Variants in LCORL observed in about 807,000 individuals in gnomAD.
LCORL encodes the protein ligand dependent nuclear receptor corepressor like, also known as ligand-dependent nuclear receptor corepressor-like protein.
LCORL carries 41 observed loss-of-function variants against 141.8 expected under a neutral mutation model. The ratio of observed to expected loss-of-function variants is 0.29; its 90% confidence interval spans 0.23 to 0.38. LCORL has a LOEUF of 0.38. LCORL is among the 10% of genes least tolerant of loss of function. The probability of loss-of-function intolerance (pLI) is 1.00; values close to 1 mark genes in which losing one functional copy is unlikely to be tolerated. For synonymous variants in LCORL, 618 were observed against 694.1 expected (o/e 0.89, Z 1.72); for missense variants, 1,759 against 2,035.0 (o/e 0.86, Z 2.61).
At chr4:17,901,309 C>G (rs1421268703) in intron 5 of LCORL, among the ~76,000 whole-genome samples, 1 of 150,560 alleles carries the variant, frequency 6.6e-6, no homozygotes, top group African/African-American at 2.4e-5. Flanking sequence ...TTGGCAGTCA[C>G]AACAATCATA....
chr4:18,010,816 G>A (rs1361350858), intron 1 of LCORL, among the ~76,000 whole-genome samples: 1 of 152,022 alleles, frequency 6.6e-6, no homozygotes, highest in Non-Finnish European at 1.5e-5. Flanking sequence ...ATTAACAGTT[G>A]TATTGTTTCC....
At chr4:17,905,435 C>T (rs149408152) in intron 5 of LCORL, among the ~76,000 whole-genome samples, 7 of 151,962 alleles carry the variant, frequency 4.6e-5, no homozygotes, top group Non-Finnish European at 7.4e-5. Context: ...ACTCAATTTG[C>T]TGATATTTAT....
At chr4:17,948,371 G>A (rs1337120545) in intron 4 of LCORL, among the ~76,000 whole-genome samples, 1 of 151,942 alleles carries the variant, frequency 6.6e-6, no homozygotes, top group Admixed American at 6.6e-5. Context: ...CATGTATTGA[G>A]CATAAATACA....
chr4:17,875,917 C>T (rs921212995), exon 7 of LCORL: 31 of 1,231,082 alleles, frequency 2.5e-5, no homozygotes, highest in African/African-American at 3.1e-5. Flanking sequence ...GTATCAGTAT[C>T]ATAATGACTG....
intron 6 of LCORL, among the ~76,000 whole-genome samples, chr4:17,879,545 T>C (rs76805796): frequency 0.042 from 6,360 of 151,136 alleles, 444 homozygotes; most frequent in African/African-American, 0.15. Context: ...CAGTATCCTT[T>C]CCTTTTTGAA....
rs1470978148 is a variant in LCORL at position 18,021,060 on chromosome 4, C to T, written c.154+538G>A. Reference sequence around the variant, plus strand: ...CCAGCCGGCCCATCAGCGGCCCCCGCCCTGCGAGTGCCCGTGGGTCTCCAG... The same window carrying T: ...CCAGCCGGCCCATCAGCGGCCCCCGTCCTGCGAGTGCCCGTGGGTCTCCAG... On this transcript the variant is annotated intron_variant, in intron 1 of 7. Transcript: ENST00000635767. The surrounding 1 kb of genome is among the most constrained non-coding windows in gnomAD (Gnocchi z 5.5). 6.6e-6 allele frequency among the ~76,000 whole-genome samples: 1 copy of T among 152,110 alleles called. No homozygotes were observed. The highest frequency in any genetic ancestry group is 1.5e-5 in the Non-Finnish European group (1 of 67,976).
chr4:17,877,798 A>C, exon 7 of LCORL: 1 of 1,230,620 alleles, frequency 8.1e-7, no homozygotes, highest in Non-Finnish European at 1.0e-6. Flanking sequence ...CCAGAACAGC[A>C]CCTGTGAGAA....
At chr4:17,991,589 T>C (rs771998589) in intron 1 of LCORL, among the ~76,000 whole-genome samples, 14 of 152,212 alleles carry the variant, frequency 9.2e-5, no homozygotes, top group East Asian at 1.9e-4. Context: ...TCTAAACTTA[T>C]TCCATGATAG....
At chr4:17,853,027 C>A (rs1723942524) in intron 7 of LCORL, among the ~76,000 whole-genome samples, 1 of 150,594 alleles carries the variant, frequency 6.6e-6, no homozygotes, top group African/African-American at 2.4e-5. Flanking sequence ...AGCTACGTAC[C>A]AGGCAGTGTG....
At position 17,990,642 on chromosome 4, in the gene LCORL, G is replaced by GTTT. The variant is rs979642708; in HGVS notation, c.155-17760_155-17758dup. Among the ~76,000 whole-genome samples, 46 of 131,342 alleles carry GTTT rather than the reference G, an allele frequency of 3.5e-4. 1 individual carries two copies. Among genetic ancestry groups the GTTT allele is most frequent in the South Asian group, 7.5e-4 (3 of 4,016 alleles). 86.2% of individuals were successfully genotyped at this position (131,342 alleles called of 152,430 possible). ...ATTCACATATTAAATTCCCATCTTG[G>GTTT]TTTTTTTTTTTTTTTTTTAGAGAAT... On this transcript the variant is annotated intron_variant, in intron 1 of 7. Coordinates refer to ENST00000635767, the Ensembl canonical transcript of LCORL.
At chr4:17,843,328 C>G in exon 8 of LCORL, 4 of 1,611,740 alleles carry the variant, frequency 2.5e-6, no homozygotes, top group Non-Finnish European at 3.4e-6. Flanking sequence ...GAACCAGAAT[C>G]AGAAATGAAG....
At chr4:17,876,061 T>G in exon 7 of LCORL, 1 of 1,231,054 alleles carries the variant, frequency 8.1e-7, no homozygotes, top group Non-Finnish European at 1.0e-6. Context: ...GAAGTTAAAG[T>G]ATATTTGACC....
chr4:17,972,773 A>T, intron 2 of LCORL, 47 bp downstream of exon 2: 1 of 924,040 alleles, frequency 1.1e-6, no homozygotes, highest in Non-Finnish European at 1.5e-6. Context: ...TTCATTTGTT[A>T]AATAGGATGG....
rs1306050717 is a variant in LCORL, at chr4:17,873,639, T to A, written c.5351A>T (p.Lys1784Ile). ...ATTTTCTATTTCTTTAGATTGCTTT[T>A]TAAAAGAATTTTGCCTAGCAGAATG... is the stretch of plus-strand genomic sequence containing the variant. Residue 1784 changes from lysine to isoleucine, a missense_variant, in exon 7 of 8, where the codon AAA becomes ATA. Coordinates refer to ENST00000635767, the Ensembl canonical transcript of LCORL. 6 of 1,234,002 alleles carry A rather than the reference T, an allele frequency of 4.9e-6. No individual in the cohort carries two copies. In the East Asian group the frequency reaches 1.9e-4, roughly 39 times the overall value. 76.4% of individuals were successfully genotyped at this position (1,234,002 alleles called of 1,614,324 possible). A position where few individuals can be genotyped will look rare whatever the true frequency, so the allele number is the denominator to read the frequency against.
intron 4 of LCORL, among the ~76,000 whole-genome samples, chr4:17,910,998 C>A (rs1048667389): frequency 6.6e-6 from 1 of 152,146 alleles, no homozygotes; most frequent in African/African-American, 2.4e-5. Context: ...AAAGACCTAG[C>A]TATAGTTTGG....
At chr4:17,977,401 A>T (rs1292225244) in intron 1 of LCORL, among the ~76,000 whole-genome samples, 1 of 152,156 alleles carries the variant, frequency 6.6e-6, no homozygotes. Context: ...TTCACATCCC[A>T]ATCACCACTT....
At chr4:17,922,555 G>A (rs931088746) in intron 4 of LCORL, among the ~76,000 whole-genome samples, 2 of 152,118 alleles carry the variant, frequency 1.3e-5, no homozygotes, top group African/African-American at 4.8e-5. Context: ...CGGCTCAAGA[G>A]GAACATACTG....
At chr4:17,892,492 G>A (rs974642507) in intron 5 of LCORL, among the ~76,000 whole-genome samples, 1 of 152,118 alleles carries the variant, frequency 6.6e-6, no homozygotes, top group Non-Finnish European at 1.5e-5. Flanking sequence ...TTACAGGCAT[G>A]AACCACCATG....
At chr4:18,002,758 T>C (rs1266607505) in intron 1 of LCORL, among the ~76,000 whole-genome samples, 1 of 152,224 alleles carries the variant, frequency 6.6e-6, no homozygotes. Flanking sequence ...TATTTAAAAT[T>C]GTCCATGATA....
Sources: allele counts gnomAD v4.1 joint callset (sites outside exome capture counted in the v4.1 genomes callset), GRCh38; gene constraint gnomAD v4.1.1; non-coding constraint Gnocchi (gnomAD v3.1); transcripts MANE v1.5; gene names NCBI Gene and HGNC (gene_info 2026-07-23, HGNC 2026-07-21).